Variants in PDE1A observed in about 807,000 individuals in gnomAD.
PDE1A encodes dual specificity calcium/calmodulin-dependent 3',5'-cyclic nucleotide phosphodiesterase 1A.
A neutral mutation model predicts 61.7 loss-of-function variants in PDE1A; 35 were observed. The ratio of observed to expected loss-of-function variants is 0.57; its 90% CI spans 0.43 to 0.75. The LOEUF is 0.75. PDE1A is among the 30% of genes least tolerant of loss of function. PDE1A has a pLI of 0.00. For synonymous variants in PDE1A, 232 were observed against 213.2 expected (o/e 1.09, Z -0.77); for missense variants, 597 against 630.6 (o/e 0.95, Z 0.57).
chr2:182,327,500 G>A (rs947255471), intron 1 of PDE1A, among the ~76,000 whole-genome samples: 8 of 152,226 alleles, frequency 5.3e-5, no homozygotes, highest in Non-Finnish European at 1.2e-4. Flanking sequence ...ATGGTAAGGA[G>A]ATGAGGAAAA....
chr2:182,614,245 C>T, the PDE1A span, among the ~76,000 whole-genome samples: 4 of 152,138 alleles, frequency 2.6e-5, no homozygotes, highest in African/African-American at 9.7e-5. Flanking sequence ...TGAAAAATTA[C>T]TGAGACGCTA....
At chr2:182,610,113 C>A in the PDE1A span, among the ~76,000 whole-genome samples, 163 of 151,552 alleles carry the variant, frequency 1.1e-3, 1 homozygote, top group African/African-American at 3.7e-3. Context: ...GAAAGAAATG[C>A]ATGCTCAGAG....
chr2:182,395,258 G>A (rs920361535), intron 1 of PDE1A, among the ~76,000 whole-genome samples: 11 of 152,164 alleles, frequency 7.2e-5, no homozygotes, highest in Admixed American at 2.0e-4. Flanking sequence ...TCAACTCTCC[G>A]GCTTTGTGTC....
intron 2 of PDE1A, among the ~76,000 whole-genome samples, chr2:182,256,667 G>T (rs1488255353): frequency 6.6e-6 from 1 of 152,004 alleles, no homozygotes; most frequent in African/African-American, 2.4e-5. Flanking sequence ...ATACACCATG[G>T]AATACTATGC....
At chr2:182,462,801 A>C (rs1686395351) in intron 2 of PDE1A, among the ~76,000 whole-genome samples, 1 of 152,190 alleles carries the variant, frequency 6.6e-6, no homozygotes, top group South Asian at 2.1e-4. Context: ...CAAAACCTTG[A>C]AACTTTTTTT....
At chr2:182,655,550 C>G in the PDE1A span, among the ~76,000 whole-genome samples, 1 of 152,334 alleles carries the variant, frequency 6.6e-6, no homozygotes, top group East Asian at 1.9e-4. Flanking sequence ...CTATTCCTCC[C>G]AGACTTTTCT....
chr2:182,341,647 G>T (rs1156294660), intron 1 of PDE1A, among the ~76,000 whole-genome samples: 1 of 152,160 alleles, frequency 6.6e-6, no homozygotes, highest in African/African-American at 2.4e-5. Flanking sequence ...AATTTTCTTT[G>T]TAACTTCACT....
the PDE1A span, among the ~76,000 whole-genome samples, chr2:182,712,264 T>C: frequency 2.0e-5 from 3 of 152,224 alleles, no homozygotes; most frequent in African/African-American, 4.8e-5. Flanking sequence ...GGACACTAAA[T>C]TGAAACAAGT....
chr2:182,574,121 G>A, the PDE1A span, among the ~76,000 whole-genome samples: 2 of 151,744 alleles, frequency 1.3e-5, no homozygotes, highest in African/African-American at 2.4e-5. Flanking sequence ...GATGTGTGAG[G>A]GCAGGAAGCA....
intron 2 of PDE1A, among the ~76,000 whole-genome samples, chr2:182,452,834 A>G (rs1242201439): frequency 2.0e-5 from 3 of 152,124 alleles, no homozygotes; most frequent in African/African-American, 7.2e-5. Context: ...CAAAACCAGA[A>G]TAATCAAGGG....
chr2:182,418,849 A>G (rs1703086900), intron 1 of PDE1A, among the ~76,000 whole-genome samples: 1 of 152,122 alleles, frequency 6.6e-6, no homozygotes, highest in Non-Finnish European at 1.5e-5. Flanking sequence ...AAAACCCACC[A>G]TCTGGCCACA....
At chr2:182,307,328 A>G (rs1695653124) in intron 1 of PDE1A, among the ~76,000 whole-genome samples, 1 of 152,196 alleles carries the variant, frequency 6.6e-6, no homozygotes, top group African/African-American at 2.4e-5. Context: ...CTCTGCCTTC[A>G]TGAATGGATT....
At chr2:182,194,652 C>A (rs1043925422) in intron 10 of PDE1A, among the ~76,000 whole-genome samples, 15 of 152,094 alleles carry the variant, frequency 9.9e-5, no homozygotes, top group Admixed American at 8.5e-4. Flanking sequence ...GCTAGTTTCT[C>A]ACGGCTTTAG....
the PDE1A span, among the ~76,000 whole-genome samples, chr2:182,672,701 G>T: frequency 6.6e-6 from 1 of 152,156 alleles, no homozygotes; most frequent in Non-Finnish European, 1.5e-5. Flanking sequence ...GTGACTTCTG[G>T]ATTCTCTGAG....
the PDE1A span, among the ~76,000 whole-genome samples, chr2:182,703,229 T>A: frequency 5.3e-5 from 8 of 152,240 alleles, no homozygotes; most frequent in South Asian, 4.1e-4. Context: ...CAATCTCTAG[T>A]GGCAATTTAT....
At chr2:182,713,525 G>A in the PDE1A span, among the ~76,000 whole-genome samples, 1 of 152,148 alleles carries the variant, frequency 6.6e-6, no homozygotes, top group East Asian at 1.9e-4. Flanking sequence ...CCACTACTTG[G>A]GAGGCTGAGA....
intron 2 of PDE1A, among the ~76,000 whole-genome samples, chr2:182,485,277 T>C (rs62187662): frequency 0.18 from 28,022 of 151,882 alleles, 2,780 homozygotes; most frequent in Middle Eastern, 0.31. Context: ...GAAAACCAAA[T>C]ATCACGTGTT....
At chr2:182,612,350 G>A in the PDE1A span, among the ~76,000 whole-genome samples, 1 of 152,186 alleles carries the variant, frequency 6.6e-6, no homozygotes, top group Admixed American at 6.5e-5. Flanking sequence ...TTCAGAAACA[G>A]ATTGGAGTCA....
rs561980004 is a variant in PDE1A at position 182,307,209 on chromosome 2, A to T, written c.54-42795T>A. 2.1e-4 allele frequency among the ~76,000 whole-genome samples: 32 copies of T among 152,332 alleles called. No individual in the cohort carries two copies. The South Asian group carries it at 6.4e-3, about 31-fold the overall frequency. On this transcript the variant is annotated intron_variant, in intron 1 of 13. Coordinates refer to ENST00000351439, the Ensembl canonical transcript of PDE1A. ...GATATATGAAAAAATGCTCAACATT[A>T]CTGCTATGGTTTGAATGTCTGTCTC...
Sources: gnomAD v4.1 joint callset for allele counts (sites outside exome capture counted in the v4.1 genomes callset) on GRCh38, gnomAD v4.1.1 for gene constraint, MANE v1.5 for transcripts, NCBI Gene and HGNC (gene_info 2026-07-23, HGNC 2026-07-21) for gene names.